RBFOX1: variants seen among roughly 807,000 people sequenced by gnomAD.
RBFOX1 encodes the protein RNA binding protein fox-1 homolog 1.
Under a neutral mutation model 57.7 loss-of-function variants are expected in RBFOX1, and 8 were observed. That is an observed-to-expected ratio of 0.14 (90% confidence interval 0.08 to 0.25). RBFOX1 has a LOEUF of 0.25. Ranked by LOEUF, RBFOX1 falls within the 10% of genes least tolerant of loss-of-function variation. The pLI, the probability that RBFOX1 is intolerant of heterozygous loss-of-function variation, is 1.00. For missense variants in RBFOX1, 611 were observed against 548.5 expected (o/e 1.11, Z -1.14); for synonymous variants, 326 against 222.4 (o/e 1.47, Z -4.15).
At chr16:7,010,112 C>T (rs554521784) in intron 3 of RBFOX1, among the ~76,000 whole-genome samples, 2 of 152,258 alleles carry the variant, frequency 1.3e-5, no homozygotes, top group South Asian at 2.1e-4. Context: ...AGGGCATGAA[C>T]TCTATTCTTT....
chr16:7,671,501 C>G, intron 13 of RBFOX1: 2 of 1,484,354 alleles, frequency 1.3e-6, no homozygotes, highest in Non-Finnish European at 1.9e-6. Flanking sequence ...CTTATGCATT[C>G]TCTTTTATTT....
intron 1 of RBFOX1, among the ~76,000 whole-genome samples, chr16:5,462,584 T>C (rs2068825990): frequency 6.6e-6 from 1 of 152,224 alleles, no homozygotes; most frequent in South Asian, 2.1e-4. Context: ...TACATTGTGA[T>C]AGTTTTGAAC....
At chr16:7,107,555 T>A (rs2063827775) in intron 4 of RBFOX1, among the ~76,000 whole-genome samples, 2 of 152,104 alleles carry the variant, frequency 1.3e-5, no homozygotes, top group Non-Finnish European at 2.9e-5. Context: ...CCTGACAAAC[T>A]TGACTGTAAT....
chr16:5,285,987 G>T (rs1226619408), intron 1 of RBFOX1, among the ~76,000 whole-genome samples: 1 of 152,078 alleles, frequency 6.6e-6, no homozygotes, highest in African/African-American at 2.4e-5. Context: ...GGCCGGGCTG[G>T]TCTCGAACTC....
At chr16:7,030,611 A>G (rs572780248) in intron 3 of RBFOX1, among the ~76,000 whole-genome samples, 7 of 150,658 alleles carry the variant, frequency 4.6e-5, no homozygotes, top group Admixed American at 6.6e-5. Flanking sequence ...GTATGTGGAC[A>G]CTCCCTTTGG....
At chr16:5,404,713 T>G (rs995147811) in intron 1 of RBFOX1, among the ~76,000 whole-genome samples, 1 of 152,152 alleles carries the variant, frequency 6.6e-6, no homozygotes, top group Non-Finnish European at 1.5e-5. Flanking sequence ...CATGGCAGTT[T>G]TGTGGTGCAT....
chr16:7,096,981 C>A (rs1020289779), intron 4 of RBFOX1, among the ~76,000 whole-genome samples: 3 of 148,782 alleles, frequency 2.0e-5, no homozygotes, highest in African/African-American at 7.5e-5. Context: ...TGGTGGTTTC[C>A]CAGGAAATAT....
chr16:6,417,655 G>T (rs1334518872), intron 2 of RBFOX1, among the ~76,000 whole-genome samples: 1 of 150,976 alleles, frequency 6.6e-6, no homozygotes, highest in Non-Finnish European at 1.5e-5. Context: ...CTCTCAAAGT[G>T]CTGGGATTAC....
chr16:6,088,366 C>T (rs1052012815), intron 1 of RBFOX1, among the ~76,000 whole-genome samples: 1 of 152,034 alleles, frequency 6.6e-6, no homozygotes, highest in Non-Finnish European at 1.5e-5. Context: ...TAGTCATGTT[C>T]TCTGATGTGA....
At chr16:5,753,090 G>T (rs1168952674) in intron 3 of RBFOX1, among the ~76,000 whole-genome samples, 1 of 151,988 alleles carries the variant, frequency 6.6e-6, no homozygotes, top group Non-Finnish European at 1.5e-5. Context: ...AACCTAGGAG[G>T]TTGAGACTGC....
At chr16:6,773,829 C>A in intron 3 of RBFOX1, 1 of 340,010 alleles carries the variant, frequency 2.9e-6, no homozygotes, top group Non-Finnish European at 4.1e-6. Context: ...GTTGTGGGGG[C>A]ATGGGGTGCA....
chr16:7,508,338 C>T (rs1273145278), intron 4 of RBFOX1, among the ~76,000 whole-genome samples: 1 of 152,150 alleles, frequency 6.6e-6, no homozygotes. Flanking sequence ...GACATTAATG[C>T]TTTCACCAGG....
At chr16:7,457,343 C>T (rs1274313716) in intron 4 of RBFOX1, among the ~76,000 whole-genome samples, 1 of 152,130 alleles carries the variant, frequency 6.6e-6, no homozygotes, top group African/African-American at 2.4e-5. Flanking sequence ...ACATTGGTGA[C>T]CCAGTTCTGA....
At chr16:6,051,316 G>T (rs75396006) in intron 1 of RBFOX1, among the ~76,000 whole-genome samples, 5,649 of 151,846 alleles carry the variant, frequency 0.037, 323 homozygotes, top group African/African-American at 0.12. Context: ...AGGCAAGAGA[G>T]TTCAGAGTTT....
Position 7,712,368 on chromosome 16 carries a change from C to G in RBFOX1, c.*1623C>G. 6.6e-6 allele frequency: 1 copy of G among 152,620 alleles called. No homozygotes were observed. Among genetic ancestry groups the G allele is most frequent in the East Asian group, 1.9e-4 (1 of 5,190 alleles). The allele number at this position is 152,620 out of a possible 1,614,324, so 9.5% of individuals were successfully genotyped here. A position where few individuals can be genotyped will look rare whatever the true frequency, so the allele number is the denominator to read the frequency against. ...TGAACCTGCCAATCCGCTGTAACAA[C>G]TCTGCTTTAAAACAAAACCAAACAA... On this transcript the variant is annotated 3_prime_UTR_variant, in exon 16 of 16. Transcript: ENST00000550418.
At chr16:7,487,726 C>A (rs1036184898) in intron 4 of RBFOX1, among the ~76,000 whole-genome samples, 4 of 152,182 alleles carry the variant, frequency 2.6e-5, no homozygotes, top group African/African-American at 7.2e-5. Flanking sequence ...GACACATTCT[C>A]TGGAGCAGTC....
intron 2 of RBFOX1, among the ~76,000 whole-genome samples, chr16:6,559,115 G>A (rs1019789149): frequency 7.4e-4 from 91 of 122,582 alleles, no homozygotes; most frequent in Non-Finnish European, 7.8e-4. Context: ...ATACATATGT[G>A]TGTGTGTGTG....
intron 4 of RBFOX1, among the ~76,000 whole-genome samples, chr16:7,397,942 G>A (rs949845681): frequency 1.3e-5 from 2 of 151,820 alleles, no homozygotes; most frequent in Admixed American, 6.6e-5. Context: ...AAATTTCTCG[G>A]CTCAGTGAAC....
chr16:6,991,527 T>G (rs1259281498), intron 3 of RBFOX1, among the ~76,000 whole-genome samples: 1 of 152,124 alleles, frequency 6.6e-6, no homozygotes, highest in Non-Finnish European at 1.5e-5. Context: ...ACTTCTCAAA[T>G]GTTTTTTCTT....
Sources: allele counts gnomAD v4.1 joint callset (sites outside exome capture counted in the v4.1 genomes callset), GRCh38; gene constraint gnomAD v4.1.1; transcripts MANE v1.5; gene names NCBI Gene and HGNC (gene_info 2026-07-23, HGNC 2026-07-21).